CNTN5: variants seen among roughly 807,000 people sequenced by gnomAD.
CNTN5 encodes contactin 5, also known as contactin-5.
A neutral mutation model predicts 129.1 loss-of-function variants in CNTN5; 77 were observed. The ratio of observed to expected loss-of-function variants is 0.60; its 90% CI spans 0.50 to 0.72. CNTN5 has a LOEUF of 0.72. Among genes scored for constraint, CNTN5 ranks in the 30% least tolerant of loss-of-function variants. The pLI, the probability that CNTN5 is intolerant of heterozygous loss-of-function variation, is 0.00. For missense variants in CNTN5, 1,478 were observed against 1,328.8 expected (o/e 1.11, Z -1.75); for synonymous variants, 509 against 465.6 (o/e 1.09, Z -1.20).
At chr11:100,149,873 G>A (rs1183284850) in intron 13 of CNTN5, among the ~76,000 whole-genome samples, 11 of 130,002 alleles carry the variant, frequency 8.5e-5, no homozygotes, top group Admixed American at 4.3e-4. Flanking sequence ...CAGCCTGGGC[G>A]ACAGGGTGAG....
intron 3 of CNTN5, among the ~76,000 whole-genome samples, chr11:99,643,650 C>A (rs900255506): frequency 1.3e-5 from 2 of 151,902 alleles, no homozygotes; most frequent in Non-Finnish European, 2.9e-5. Context: ...TAATAGCTAC[C>A]ACTGGCTGGG....
At chr11:99,858,997 G>C (rs1948126555) in intron 6 of CNTN5, among the ~76,000 whole-genome samples, 2 of 152,182 alleles carry the variant, frequency 1.3e-5, no homozygotes, top group Admixed American at 1.3e-4. Flanking sequence ...TTAGGAAACT[G>C]TGCCTGAAGG....
rs187460487 is a variant in CNTN5, at chr11:99,519,672, A to G, written c.-70-36473A>G. On this transcript the variant is annotated intron_variant, in intron 2 of 24. Coordinates refer to ENST00000524871, the MANE Select transcript of CNTN5 (RefSeq NM_014361.4). ...TATTAATAGATAATGCTCAGTTTTA[A>G]TCTTCATTTATGAGTAGATAAATTG... 1.6e-3 allele frequency among the ~76,000 whole-genome samples: 239 copies of G among 152,142 alleles called. 1 individual carries two copies. Among genetic ancestry groups the G allele is most frequent in the African/African-American group, 5.6e-3 (232 of 41,540 alleles).
At chr11:99,584,218 A>G (rs1166729519) in intron 3 of CNTN5, among the ~76,000 whole-genome samples, 1 of 152,214 alleles carries the variant, frequency 6.6e-6, no homozygotes, top group Non-Finnish European at 1.5e-5. Context: ...GACAAAGTAT[A>G]TAGTACATTA....
At chr11:99,579,681 G>C (rs776522992) in intron 3 of CNTN5, among the ~76,000 whole-genome samples, 7 of 137,140 alleles carry the variant, frequency 5.1e-5, no homozygotes, top group Non-Finnish European at 1.1e-4. Flanking sequence ...CATTGATTTT[G>C]TATCCTGAGA....
intron 21 of CNTN5, among the ~76,000 whole-genome samples, chr11:100,335,669 G>A (rs545070393): frequency 4.6e-5 from 7 of 152,070 alleles, no homozygotes; most frequent in Non-Finnish European, 7.4e-5. Context: ...TTGGGAGGCT[G>A]AAGCAGGAGA....
chr11:99,660,832 C>G (rs540421475), intron 3 of CNTN5, among the ~76,000 whole-genome samples: 1 of 151,898 alleles, frequency 6.6e-6, no homozygotes, highest in African/African-American at 2.4e-5. Flanking sequence ...TTTTTTTCTT[C>G]TCTACATTTC....
chr11:100,167,812 G>T (rs888491209), intron 13 of CNTN5, among the ~76,000 whole-genome samples: 2 of 151,966 alleles, frequency 1.3e-5, no homozygotes, highest in Non-Finnish European at 2.9e-5. Context: ...GTTGAAGAAG[G>T]CATGTCAAAT....
chr11:99,568,594 T>C (rs1359825620), intron 3 of CNTN5, among the ~76,000 whole-genome samples: 8 of 152,154 alleles, frequency 5.3e-5, no homozygotes, highest in African/African-American at 1.9e-4. Flanking sequence ...GACAATTACA[T>C]TCATTGAGCA....
intron 13 of CNTN5, among the ~76,000 whole-genome samples, chr11:100,102,843 A>T (rs968021901): frequency 6.6e-6 from 1 of 152,146 alleles, no homozygotes; most frequent in South Asian, 2.1e-4. Flanking sequence ...GAACATTAGC[A>T]CTAGGCTTAA....
At chr11:99,752,630 G>A (rs1452387027) in intron 3 of CNTN5, among the ~76,000 whole-genome samples, 3 of 152,002 alleles carry the variant, frequency 2.0e-5, no homozygotes, top group South Asian at 4.1e-4. Flanking sequence ...TACTAAAAAC[G>A]ATGTTTTAAG....
At chr11:99,691,585 C>G (rs986542012) in intron 3 of CNTN5, among the ~76,000 whole-genome samples, 1 of 152,052 alleles carries the variant, frequency 6.6e-6, no homozygotes, top group Admixed American at 6.6e-5. Flanking sequence ...ATCTTGAGTT[C>G]TAATTTGATT....
intron 13 of CNTN5, among the ~76,000 whole-genome samples, chr11:100,074,972 A>G (rs1944070643): frequency 6.6e-6 from 1 of 152,184 alleles, no homozygotes; most frequent in Admixed American, 6.6e-5. Context: ...ATATATTGGT[A>G]TTACAAATGG....
intron 13 of CNTN5, among the ~76,000 whole-genome samples, chr11:100,133,078 A>C (rs1328783320): frequency 2.6e-5 from 4 of 152,252 alleles, no homozygotes; most frequent in Admixed American, 1.3e-4. Context: ...TAAATAAGAG[A>C]TAGTTGGAAA....
At chr11:99,322,113 C>T (rs976203821) in intron 1 of CNTN5, among the ~76,000 whole-genome samples, 4 of 152,118 alleles carry the variant, frequency 2.6e-5, no homozygotes, top group African/African-American at 9.7e-5. Flanking sequence ...ATACCGCAGA[C>T]TGGTTGGCTT....
chr11:99,117,163 G>C (rs1002593249), intron 1 of CNTN5, among the ~76,000 whole-genome samples: 1 of 152,126 alleles, frequency 6.6e-6, no homozygotes, highest in African/African-American at 2.4e-5. Context: ...AAGGTTTGCT[G>C]TTGGAGGAAA....
At chr11:99,921,152 G>A (rs1367692295) in intron 7 of CNTN5, among the ~76,000 whole-genome samples, 1 of 152,162 alleles carries the variant, frequency 6.6e-6, no homozygotes, top group Non-Finnish European at 1.5e-5. Context: ...CATCCAGTCT[G>A]TGGCACGTTG....
intron 1 of CNTN5, among the ~76,000 whole-genome samples, chr11:99,034,227 T>A (rs987516617): frequency 6.6e-6 from 1 of 152,188 alleles, no homozygotes; most frequent in South Asian, 2.1e-4. Context: ...GGTCTAAAAC[T>A]CTCTTTTTTG....
At chr11:99,180,417 T>C (rs1383979925) in intron 1 of CNTN5, among the ~76,000 whole-genome samples, 1 of 152,126 alleles carries the variant, frequency 6.6e-6, no homozygotes, top group Non-Finnish European at 1.5e-5. Context: ...ACCCTAACTC[T>C]TTTTGTAATG....
Sources: gnomAD v4.1 joint callset for allele counts (sites outside exome capture counted in the v4.1 genomes callset) on GRCh38, gnomAD v4.1.1 for gene constraint, MANE v1.5 for transcripts, NCBI Gene and HGNC (gene_info 2026-07-23, HGNC 2026-07-21) for gene names.